Variants in DOK5 observed in about 807,000 individuals in gnomAD.
The protein encoded by DOK5 is downstream of tyrosine kinase 5.
In DOK5, 27 loss-of-function variants were observed where a neutral mutation model predicts 43.3. The observed-to-expected ratio is 0.62, with a 90% confidence interval of 0.46 to 0.86. The LOEUF is 0.86. Ranked by LOEUF, DOK5 falls within the 40% of genes least tolerant of loss-of-function variation. The probability of loss-of-function intolerance (pLI) is 0.00; values close to 1 mark genes in which losing one functional copy is unlikely to be tolerated. For missense variants in DOK5, 373 were observed against 392.9 expected, an observed-to-expected ratio of 0.95 and a Z score of 0.43; for synonymous variants, 146 against 140.1, an observed-to-expected ratio of 1.04 and a Z score of -0.30.
chr20:54,643,622 G>C (rs1393378913), intron 7 of DOK5, 44 bp downstream of exon 7: 3 of 1,581,366 alleles, frequency 1.9e-6, no homozygotes, highest in Admixed American at 1.7e-5. Flanking sequence ...GCCAGGCCTG[G>C]GAGTACTGGG....
chr20:54,480,400 C>A (rs759810102), intron 1 of DOK5, among the ~76,000 whole-genome samples: 1 of 152,168 alleles, frequency 6.6e-6, no homozygotes, highest in Non-Finnish European at 1.5e-5. Context: ...TGCTACGTGG[C>A]GCTACCCCCA....
chr20:54,538,436 G>T (rs574477139), intron 1 of DOK5, among the ~76,000 whole-genome samples: 1 of 152,202 alleles, frequency 6.6e-6, no homozygotes, highest in African/African-American at 2.4e-5. Flanking sequence ...AAGAGAATTT[G>T]TCACCAGCAG....
At chr20:54,496,982 G>T (rs6098022) in intron 1 of DOK5, among the ~76,000 whole-genome samples, 2,120 of 152,192 alleles carry the variant, frequency 0.014, 43 homozygotes, top group African/African-American at 0.048. Flanking sequence ...ATAAACCTCT[G>T]TGGGAGGCGG....
chr20:54,496,765 C>CAAAAAAAAAAAAAA (rs74179280), intron 1 of DOK5, among the ~76,000 whole-genome samples: 1 of 59,508 alleles, frequency 1.7e-5, no homozygotes, highest in Non-Finnish European at 3.7e-5. Flanking sequence ...GACTCCGTCT[C>CAAAAAAAAAAAAAA]AAAAAAAAAA....
intron 5 of DOK5, among the ~76,000 whole-genome samples, chr20:54,602,993 G>A (rs1206143001): frequency 6.6e-6 from 1 of 152,124 alleles, no homozygotes; most frequent in African/African-American, 2.4e-5. Context: ...TTTTAAGTCT[G>A]CTTTCAATTT....
chr20:54,555,897 T>C (rs2146730755), intron 2 of DOK5, among the ~76,000 whole-genome samples: 1 of 152,338 alleles, frequency 6.6e-6, no homozygotes, highest in Non-Finnish European at 1.5e-5. Flanking sequence ...CGAAACCAGT[T>C]GATCTATTAG....
chr20:54,550,316 A>G (rs1446733811), intron 1 of DOK5, among the ~76,000 whole-genome samples: 1 of 152,228 alleles, frequency 6.6e-6, no homozygotes, highest in Admixed American at 6.5e-5. Flanking sequence ...CTATTTCAAG[A>G]TAATTGTAAA....
At chr20:54,539,226 G>A (rs1984058083) in intron 1 of DOK5, among the ~76,000 whole-genome samples, 1 of 147,660 alleles carries the variant, frequency 6.8e-6, no homozygotes, top group Non-Finnish European at 1.5e-5. Flanking sequence ...GGAGGCAGAG[G>A]TGAGATCGCA....
intron 1 of DOK5, among the ~76,000 whole-genome samples, chr20:54,515,928 T>C (rs1191722131): frequency 1.3e-5 from 2 of 152,218 alleles, no homozygotes; most frequent in Non-Finnish European, 2.9e-5. Flanking sequence ...GCTGCAGTAA[T>C]TGGGGAAGGC....
intron 6 of DOK5, among the ~76,000 whole-genome samples, chr20:54,623,745 A>G (rs6023422): frequency 0.066 from 9,978 of 151,866 alleles, 358 homozygotes; most frequent in Middle Eastern, 0.13. Context: ...ATGCCTGGCT[A>G]ATTTTTTGTA....
rs1311992626 is a variant in DOK5, at chr20:54,475,994, C to G, written c.48C>G (p.Ile16Met). The G allele has an allele frequency of 6.2e-7, 1 of 1,613,470 alleles. No homozygotes were observed. The highest frequency in any genetic ancestry group is 1.7e-5 in the Admixed American group (1 of 60,022). ...TAGTGAAGCAAGGGTACGTGAGGATCCGGAGCAGACGCCTCGGGGTGAGTA... is the reference window on the plus strand; with the variant it reads ...TAGTGAAGCAAGGGTACGTGAGGATGCGGAGCAGACGCCTCGGGGTGAGTA... The part of the protein sequence containing the change: ...NDIVKQGYVR[I>M]RSRRLGIYQR... The change falls in exon 1 of 8, where the codon ATC (isoleucine) becomes ATG (methionine). Residue 16 changes from isoleucine to methionine, a missense_variant. By Grantham distance (10) the Ile-to-Met change is conservative (BLOSUM62 1). Coordinates refer to ENST00000262593, the MANE Select transcript of DOK5 (RefSeq NM_018431.5). The surrounding 1 kb of genome is among the most constrained non-coding windows in gnomAD (Gnocchi z 4.2).
At chr20:54,636,326 G>T (rs6091940) in intron 6 of DOK5, among the ~76,000 whole-genome samples, 4,366 of 152,302 alleles carry the variant, frequency 0.029, 229 homozygotes, top group African/African-American at 0.098. Context: ...GATGAGAGGG[G>T]CCTCAGTTCT....
chr20:54,552,526 A>G (rs1984564997), intron 1 of DOK5, among the ~76,000 whole-genome samples: 1 of 151,980 alleles, frequency 6.6e-6, no homozygotes, highest in African/African-American at 2.4e-5. Flanking sequence ...GATATATTCT[A>G]TATGTATCGT....
chr20:54,488,018 C>A (rs947389297), intron 1 of DOK5, among the ~76,000 whole-genome samples: 1 of 152,196 alleles, frequency 6.6e-6, no homozygotes, highest in Non-Finnish European at 1.5e-5. Flanking sequence ...ATTTTCCAAA[C>A]TTTTAAGAAA....
chr20:54,542,618 C>G (rs189987903), intron 1 of DOK5, among the ~76,000 whole-genome samples: 192 of 152,274 alleles, frequency 1.3e-3, no homozygotes, highest in African/African-American at 4.2e-3. Context: ...TTGATTCCAT[C>G]AGAATGTTTT....
At chr20:54,554,467 T>A (rs1224396236) in intron 1 of DOK5, among the ~76,000 whole-genome samples, 3 of 152,216 alleles carry the variant, frequency 2.0e-5, no homozygotes. Context: ...GTTAGTTTAG[T>A]GTCTGGTCCA....
chr20:54,583,439 TA>T (rs1985700438), intron 2 of DOK5, among the ~76,000 whole-genome samples: 1 of 152,196 alleles, frequency 6.6e-6, no homozygotes. Flanking sequence ...CTTTCTTATA[TA>T]ATCTTTGGAT....
chr20:54,568,423 G>A (rs1985163799), intron 2 of DOK5, among the ~76,000 whole-genome samples: 1 of 152,114 alleles, frequency 6.6e-6, no homozygotes. Context: ...GGAAAGGGTG[G>A]GTTTTCTCAA....
At chr20:54,548,476 A>T (rs1186276030) in intron 1 of DOK5, among the ~76,000 whole-genome samples, 1 of 151,510 alleles carries the variant, frequency 6.6e-6, no homozygotes, top group East Asian at 1.9e-4. Context: ...GACTCAAGCA[A>T]CTCACCCACC....
Sources: allele counts gnomAD v4.1 joint callset (sites outside exome capture counted in the v4.1 genomes callset), GRCh38; gene constraint gnomAD v4.1.1; non-coding constraint Gnocchi (gnomAD v3.1); transcripts MANE v1.5; gene names NCBI Gene and HGNC (gene_info 2026-07-23, HGNC 2026-07-21).